Variants in SHISA9 observed in about 807,000 individuals in gnomAD.
The protein encoded by SHISA9 is protein shisa-9.
In SHISA9, 13 loss-of-function variants were observed where a neutral mutation model predicts 38.0. The observed-to-expected ratio is 0.34, with a 90% CI of 0.22 to 0.54. The LOEUF is 0.54. SHISA9 is among the 20% of genes least tolerant of loss of function. The pLI, the probability that SHISA9 is intolerant of heterozygous loss-of-function variation, is 0.91. For synonymous variants in SHISA9, 275 were observed against 242.0 expected, an observed-to-expected ratio of 1.14 and a Z score of -1.27; for missense variants, 538 against 575.8, an observed-to-expected ratio of 0.93 and a Z score of 0.67.
At chr16:13,515,916 T>A in the SHISA9 span, among the ~76,000 whole-genome samples, 1 of 152,280 alleles carries the variant, frequency 6.6e-6, no homozygotes, top group Non-Finnish European at 1.5e-5. Context: ...TTTCACACAT[T>A]GTCATTTAAT....
chr16:12,996,837 G>A (rs764498133), intron 2 of SHISA9, among the ~76,000 whole-genome samples: 18 of 152,044 alleles, frequency 1.2e-4, no homozygotes, highest in South Asian at 2.1e-4. Context: ...AAAAAGTTTC[G>A]TGGCTAAGAA....
chr16:13,128,367 A>G (rs1016222523), intron 2 of SHISA9, among the ~76,000 whole-genome samples: 3 of 152,050 alleles, frequency 2.0e-5, no homozygotes, highest in Non-Finnish European at 4.4e-5. Flanking sequence ...CTCCCATTTC[A>G]TAGATGAAGA....
chr16:13,492,809 G>T, the SHISA9 span, among the ~76,000 whole-genome samples: 1 of 152,212 alleles, frequency 6.6e-6, no homozygotes, highest in Admixed American at 6.5e-5. Context: ...TTTAAGCTGA[G>T]ATTTGAATGA....
the SHISA9 span, among the ~76,000 whole-genome samples, chr16:13,333,856 T>C: frequency 3.7e-4 from 56 of 152,306 alleles, no homozygotes; most frequent in African/African-American, 1.3e-3. Context: ...GCTTTATGCT[T>C]TCTCATTAAA....
At chr16:13,219,027 T>A (rs547966708) in intron 4 of SHISA9, among the ~76,000 whole-genome samples, 118 of 152,282 alleles carry the variant, frequency 7.7e-4, no homozygotes, top group South Asian at 5.6e-3. Context: ...TGAAGTTTTT[T>A]AATAAAAATC....
chr16:13,430,329 T>A, the SHISA9 span, among the ~76,000 whole-genome samples: 2 of 152,298 alleles, frequency 1.3e-5, no homozygotes, highest in East Asian at 3.9e-4. Context: ...GCGGAAACCA[T>A]CCTGTGTCTC....
the SHISA9 span, among the ~76,000 whole-genome samples, chr16:13,341,393 C>G: frequency 6.6e-6 from 1 of 152,108 alleles, no homozygotes; most frequent in Non-Finnish European, 1.5e-5. Context: ...GTGGATTCCT[C>G]TTCCCTGCAA....
At chr16:13,123,340 G>C (rs769962444) in intron 2 of SHISA9, among the ~76,000 whole-genome samples, 79 of 152,372 alleles carry the variant, frequency 5.2e-4, no homozygotes, top group Non-Finnish European at 5.7e-4. Flanking sequence ...GCTGGGATTG[G>C]CTTGGGCCAT....
chr16:13,172,209 G>T (rs1176878317), intron 2 of SHISA9, among the ~76,000 whole-genome samples: 2 of 152,102 alleles, frequency 1.3e-5, no homozygotes, highest in Admixed American at 6.5e-5. Flanking sequence ...AAATCAGTTG[G>T]TTATCAAATC....
the SHISA9 span, among the ~76,000 whole-genome samples, chr16:13,552,065 G>A: frequency 1.1e-4 from 17 of 152,254 alleles, no homozygotes; most frequent in African/African-American, 3.9e-4. Context: ...AGGTGGGGAC[G>A]CATTTTGCTT....
At chr16:13,279,820 C>G in the SHISA9 span, among the ~76,000 whole-genome samples, 1 of 151,848 alleles carries the variant, frequency 6.6e-6, no homozygotes, top group African/African-American at 2.4e-5. Context: ...TGATTGTTGT[C>G]TTCCTGAAGA....
the SHISA9 span, among the ~76,000 whole-genome samples, chr16:13,276,091 TAAGTCCCCA>T: frequency 6.6e-6 from 1 of 151,948 alleles, no homozygotes; most frequent in Non-Finnish European, 1.5e-5. Flanking sequence ...CTCTTACCCC[TAAGTCCCCA>T]AAGTCCATTA....
chr16:13,167,192 C>T (rs2050645392), intron 2 of SHISA9, among the ~76,000 whole-genome samples: 1 of 151,566 alleles, frequency 6.6e-6, no homozygotes, highest in Non-Finnish European at 1.5e-5. Context: ...CCTGCTTCAG[C>T]CTCCTGAGTA....
chr16:12,997,641 G>A (rs1596573204), intron 2 of SHISA9, among the ~76,000 whole-genome samples: 1 of 151,910 alleles, frequency 6.6e-6, no homozygotes, highest in East Asian at 1.9e-4. Context: ...CCTGACCTCA[G>A]GTGATCTGCC....
the SHISA9 span, among the ~76,000 whole-genome samples, chr16:13,521,567 T>C: frequency 6.6e-6 from 1 of 152,242 alleles, no homozygotes; most frequent in South Asian, 2.1e-4. Context: ...GAAATGCAGA[T>C]GCCTTGAAGA....
intron 2 of SHISA9, among the ~76,000 whole-genome samples, chr16:13,132,913 G>A (rs1172419149): frequency 6.6e-6 from 1 of 152,228 alleles, no homozygotes; most frequent in Non-Finnish European, 1.5e-5. Flanking sequence ...GGTGGGGCCA[G>A]TGGAGGGACA....
chr16:13,233,826 C>T (rs1163951016), intron 4 of SHISA9, among the ~76,000 whole-genome samples: 1 of 152,108 alleles, frequency 6.6e-6, no homozygotes, highest in Non-Finnish European at 1.5e-5. Flanking sequence ...GCCTGGGCAA[C>T]ATGGTGAAAC....
intron 2 of SHISA9, among the ~76,000 whole-genome samples, chr16:12,976,968 G>A (rs770248299): frequency 3.3e-5 from 5 of 152,228 alleles, no homozygotes; most frequent in Non-Finnish European, 7.3e-5. Context: ...TTCTCTGGAG[G>A]AGGAGAACAT....
intron 2 of SHISA9, among the ~76,000 whole-genome samples, chr16:12,975,478 G>C (rs553547387): frequency 2.6e-5 from 4 of 152,032 alleles, no homozygotes; most frequent in Non-Finnish European, 4.4e-5. Flanking sequence ...ACTCCAGCCC[G>C]GGCAACAGAG....
Sources: gnomAD v4.1 joint callset for allele counts (sites outside exome capture counted in the v4.1 genomes callset) on GRCh38, gnomAD v4.1.1 for gene constraint, MANE v1.5 for transcripts, NCBI Gene and HGNC (gene_info 2026-07-23, HGNC 2026-07-21) for gene names.